Variants in AKNA observed in about 807,000 individuals in gnomAD.
AKNA encodes AT-hook transcription factor, also known as microtubule organization protein AKNA.
A neutral mutation model predicts 138.8 loss-of-function variants in AKNA; 67 were observed. That is an observed-to-expected ratio of 0.48 (90% CI 0.40 to 0.59). The LOEUF (loss-of-function observed/expected upper bound fraction) is 0.59, where lower values mean the gene tolerates loss of function less well. Ranked by LOEUF, AKNA falls within the 20% of genes least tolerant of loss-of-function variation. The pLI, the probability that AKNA is intolerant of heterozygous loss-of-function variation, is 0.00. For missense variants in AKNA, 1,813 were observed against 1,880.4 expected (o/e 0.96, Z 0.66); for synonymous variants, 737 against 754.4 (o/e 0.98, Z 0.38).
intron 19 of AKNA, 149 bp from the exon 20 acceptor site, chr9:114,342,274 A>T: frequency 1.7e-6 from 1 of 585,896 alleles, no homozygotes; most frequent in Non-Finnish European, 3.0e-6. Flanking sequence ...GACATTGACA[A>T]CAACCATGAC....
downstream of AKNA, chr9:114,331,710 C>A (rs554112931): frequency 8.8e-6 from 14 of 1,595,702 alleles, no homozygotes; most frequent in African/African-American, 1.6e-4. Context: ...TCATGCCCCT[C>A]TCAGGCCTCA....
In AKNA at chr9:114,359,511, CTG is replaced by C. The variant is rs1473625680; in HGVS notation, c.2492+81_2492+82del. 4 of 1,607,374 alleles carry C rather than the reference CTG, an allele frequency of 2.5e-6. No homozygotes were observed. The African/African-American group carries it at 4.1e-5, about 16-fold the overall frequency. ...TAAGCCATGTCTAAACTGTGAAGCG[CTG>C]TCTTATTCACTCTGACAGTGATCAT... On this transcript the variant is annotated intron_variant, in intron 11 of 21. Coordinates refer to ENST00000374088, the MANE Select transcript of AKNA (RefSeq NM_001317950.2).
At chr9:114,395,274 C>T (rs763490729), upstream of AKNA, among the ~76,000 whole-genome samples, 26 of 152,248 alleles carry the variant, frequency 1.7e-4, no homozygotes, top group Non-Finnish European at 3.4e-4. Flanking sequence ...TGTTTGTACG[C>T]AGGACACACT....
At chr9:114,372,727 C>T (rs1203344024) in intron 4 of AKNA, among the ~76,000 whole-genome samples, 1 of 152,162 alleles carries the variant, frequency 6.6e-6, no homozygotes, top group Admixed American at 6.5e-5. Flanking sequence ...TACTTGGAGT[C>T]TGCAGCCATG....
intron 19 of AKNA, 71 bp downstream of exon 19, chr9:114,343,637 A>T: frequency 6.7e-7 from 1 of 1,490,370 alleles, no homozygotes; most frequent in African/African-American, 1.4e-5. Flanking sequence ...CTTGTCAAGT[A>T]CACACTCCCC....
Position 114,378,108 on chromosome 9 carries a change from G to A in AKNA, c.275-576C>T, listed in dbSNP as rs925314896. Among the ~76,000 whole-genome samples, 13 of 152,164 alleles carry A rather than the reference G, an allele frequency of 8.5e-5. No individual in the cohort carries two copies. In the East Asian group the frequency reaches 1.2e-3, roughly 14 times the overall value. On this transcript the variant is annotated intron_variant, in intron 2 of 21. Transcript: ENST00000374088. The stretch of plus-strand genomic sequence containing the variant: ...ATGGTCCTAAGGTCGCTGCCACCCC[G>A]GCCCCATTAGCTCTCCTGATCCATC...
intron 6 of AKNA, 151 bp downstream of exon 6, chr9:114,367,392 C>T (rs1000790668): frequency 1.1e-5 from 10 of 922,432 alleles, no homozygotes; most frequent in Admixed American, 5.5e-5. Context: ...CAGGGAGGGG[C>T]TCATGTTTTG....
chr9:114,368,599 TG>T lies in AKNA; in HGVS notation c.1417-5del. The T allele has an allele frequency of 7.3e-7, 1 of 1,371,596 alleles. No individual in the cohort carries two copies. The allele number at this position is 1,371,596 out of a possible 1,614,324, so 85.0% of individuals were successfully genotyped here. The stretch of plus-strand genomic sequence containing the variant: ...GTGGGTCAGAGAACAGGTTCACCTG[TG>T]GAAGCAGGGAGGCACAGCACAGCCA... On this transcript the variant is annotated splice_region_variant and splice_polypyrimidine_tract_variant and intron_variant, in intron 4 of 21. Coordinates refer to ENST00000374088, the MANE Select transcript of AKNA (RefSeq NM_001317950.2).
intron 2 of AKNA, among the ~76,000 whole-genome samples, chr9:114,379,673 CT>C (rs1262673588): frequency 2.6e-5 from 4 of 152,316 alleles, no homozygotes; most frequent in African/African-American, 9.6e-5. Flanking sequence ...ATATATTCAG[CT>C]CTTACTATTC....
chr9:114,387,488 C>T (rs981402698), intron 1 of AKNA, among the ~76,000 whole-genome samples: 9 of 152,208 alleles, frequency 5.9e-5, no homozygotes, highest in African/African-American at 1.9e-4. Context: ...CCGGCGCCGT[C>T]GCTGCCTCCT....
rs150618733 is a variant in AKNA at position 114,341,631 on chromosome 9, G to A, written c.3969C>T (p.Pro1323=). ...GCGCTGTTGCCAGATACCACAGTCCGGGGGGTGGGCGTGGCGACGACCCCG... is the reference window on the plus strand; with the variant it reads ...GCGCTGTTGCCAGATACCACAGTCCAGGGGGTGGGCGTGGCGACGACCCCG... ...KQAGSSPRPP[P]GLWYLATAPP... Residue 1323 remains proline, a synonymous_variant, in exon 21 of 22, where the codon CCC becomes CCT. Transcript: ENST00000374088. 6.8e-6 allele frequency: 11 copies of A among 1,611,178 alleles called. No individual in the cohort carries two copies. The highest frequency in any genetic ancestry group is 2.7e-5 in the African/African-American group (2 of 74,642).
chr9:114,377,496 G>A lies in AKNA; in HGVS notation c.311C>T (p.Ser104Phe). Residue 104 changes from serine (S) to phenylalanine (F), a missense_variant, in exon 3 of 22, where the codon TCC becomes TTC. Ser to Phe is a radical substitution (Grantham distance 155). Transcript: ENST00000374088. ...GGGGAGCCAGGCAAGAGGCTCATGGGAACTTGCTGGGCTGTCCACATCCTC... is the reference window on the plus strand; with the variant it reads ...GGGGAGCCAGGCAAGAGGCTCATGGAAACTTGCTGGGCTGTCCACATCCTC... The part of the protein sequence containing the change: ...EAEDVDSPAS[S>F]HEPLAWLPQQ... 1.2e-6 allele frequency: 2 copies of A among 1,611,160 alleles called. No homozygotes were observed. The highest frequency in any genetic ancestry group is 1.7e-6 in the Non-Finnish European group (2 of 1,178,620).
At chr9:114,376,438 C>T (rs1564652521) in intron 3 of AKNA, 28 bp downstream of exon 3, 5 of 1,612,156 alleles carry the variant, frequency 3.1e-6, no homozygotes, top group Non-Finnish European at 8.5e-7. Flanking sequence ...GCCTTGGTGA[C>T]ACATCCACAG....
chr9:114,385,239 G>GGATC (rs922039716), intron 1 of AKNA, among the ~76,000 whole-genome samples: 8 of 152,110 alleles, frequency 5.3e-5, no homozygotes, highest in African/African-American at 1.9e-4. Context: ...TCCCTGCCAG[G>GGATC]GATCTTAAGC....
intron 2 of AKNA, among the ~76,000 whole-genome samples, chr9:114,380,297 A>G (rs529110868): frequency 9.8e-5 from 15 of 152,362 alleles, no homozygotes; most frequent in South Asian, 4.1e-4. Context: ...TCTAGAAACT[A>G]CTAAAACGCC....
intron 2 of AKNA, among the ~76,000 whole-genome samples, chr9:114,379,261 T>C (rs933421158): frequency 6.6e-6 from 1 of 152,210 alleles, no homozygotes; most frequent in Non-Finnish European, 1.5e-5. Context: ...TGGCAATCCA[T>C]AGTCAAACTT....
upstream of AKNA, among the ~76,000 whole-genome samples, chr9:114,397,274 T>A (rs920487283): frequency 2.6e-5 from 4 of 152,202 alleles, no homozygotes; most frequent in African/African-American, 9.6e-5. Flanking sequence ...CTCTAACAGA[T>A]GGGCAGCCAT....
chr9:114,356,983 T>C lies in AKNA; in HGVS notation c.2740-14A>G, dbSNP rs1831546411. On this transcript the variant is annotated splice_polypyrimidine_tract_variant and intron_variant, in intron 12 of 21. Transcript: ENST00000374088. ...CATCCAGGTCTCCTGAAAGAGGCAGTATCCCTTTATGTCTGAGGAATGTGT... is the reference window on the plus strand; with the variant it reads ...CATCCAGGTCTCCTGAAAGAGGCAGCATCCCTTTATGTCTGAGGAATGTGT... 1 of 1,577,266 alleles carries C rather than the reference T, an allele frequency of 6.3e-7. No homozygotes were observed. Among genetic ancestry groups the C allele is most frequent in the African/African-American group, 1.4e-5 (1 of 71,842 alleles).
chr9:114,331,073 T>G (rs1048294087), downstream of AKNA, among the ~76,000 whole-genome samples: 1 of 152,020 alleles, frequency 6.6e-6, no homozygotes, highest in Non-Finnish European at 1.5e-5. Context: ...TCAAATAGTT[T>G]CCCCAAGGTC....
Sources: gnomAD v4.1 joint callset for allele counts (sites outside exome capture counted in the v4.1 genomes callset) on GRCh38, gnomAD v4.1.1 for gene constraint, MANE v1.5 for transcripts, NCBI Gene and HGNC (gene_info 2026-07-23, HGNC 2026-07-21) for gene names.